Variants in TBC1D13 observed in about 807,000 individuals in gnomAD.
TBC1D13 encodes the protein TBC1 domain family member 13, also known as epididymis secretory sperm binding protein.
A neutral mutation model predicts 53.6 loss-of-function variants in TBC1D13; 40 were observed. That is an observed-to-expected ratio of 0.75 (90% CI 0.58 to 0.97). TBC1D13 has a LOEUF of 0.97. Among genes scored for constraint, TBC1D13 ranks in the 50% least tolerant of loss-of-function variants. The pLI is 0.00. For missense variants in TBC1D13, 377 were observed against 499.4 expected (o/e 0.75, Z 2.34); for synonymous variants, 182 against 197.7 (o/e 0.92, Z 0.67).
intron 9 of TBC1D13, among the ~76,000 whole-genome samples, chr9:128,804,756 C>G (rs1194078227): frequency 2.0e-5 from 2 of 102,340 alleles, no homozygotes; most frequent in East Asian, 3.3e-4. Flanking sequence ...GAGAAGGACT[C>G]TCTCTCTCAG....
rs1170366996 is a variant in TBC1D13 at position 128,804,720 on chromosome 9, G to GT, written c.918+626dup. On this transcript the variant is annotated intron_variant, in intron 9 of 11. Transcript: ENST00000372648. ...CACCGTGCCCAGCCCTTTTTTTTCT[G>GT]TTTTTTTTTTTTTTTTTTTTTTTTT... Among the ~76,000 whole-genome samples the GT allele has an allele frequency of 9.4e-3, 530 of 56,278 alleles. 5 individuals carry two copies. The highest frequency in any genetic ancestry group is 0.014 in the Middle Eastern group (1 of 70). The allele number at this position is 56,278 out of a possible 152,430, so 36.9% of individuals were successfully genotyped here.
At chr9:128,804,529 C>T (rs1189668728) in intron 9 of TBC1D13, among the ~76,000 whole-genome samples, 1 of 151,224 alleles carries the variant, frequency 6.6e-6, no homozygotes, top group Non-Finnish European at 1.5e-5. Context: ...GCCTCAGCCT[C>T]CCAAGCAGCT....
rs1829901718 is a variant in TBC1D13, at chr9:128,809,149, C to T, written c.*1270C>T. On this transcript the variant is annotated 3_prime_UTR_variant, in exon 12 of 12. Transcript: ENST00000372648. ...TAAAGGCCCTGGGTCCTGCCAGTTC[C>T]AGGAGGGCCATGTCTGTGCCTCTGT... is the stretch of plus-strand genomic sequence containing the variant. The T allele has an allele frequency of 6.6e-6, 1 of 152,334 alleles. No individual in the cohort carries two copies. Among genetic ancestry groups the T allele is most frequent in the Non-Finnish European group, 1.5e-5 (1 of 68,172 alleles). The allele number at this position is 152,334 out of a possible 1,614,324, so 9.4% of individuals were successfully genotyped here.
chr9:128,802,731 T>C (rs939656662), intron 7 of TBC1D13, among the ~76,000 whole-genome samples: 1 of 136,988 alleles, frequency 7.3e-6, no homozygotes, highest in Non-Finnish European at 1.5e-5. Flanking sequence ...CTCCTTCACA[T>C]TGTCCATTTT....
intron 2 of TBC1D13, among the ~76,000 whole-genome samples, chr9:128,789,520 G>A (rs1451346243): frequency 2.0e-5 from 3 of 151,868 alleles, no homozygotes; most frequent in Non-Finnish European, 4.4e-5. Context: ...GGCAGTCAGT[G>A]TTAGTAGTTA....
rs1253725243 is a variant in TBC1D13, at chr9:128,787,337, G to T, written c.-17G>T. On this transcript the variant is annotated 5_prime_UTR_variant, in exon 1 of 12. Coordinates refer to ENST00000372648, the MANE Select transcript of TBC1D13 (RefSeq NM_018201.5). ...CGCAGGCGGCGGAGGCGGCTGGGGGGTCCGGAAGTCAACACCATGTCAAGT... is the reference window on the plus strand; with the variant it reads ...CGCAGGCGGCGGAGGCGGCTGGGGGTTCCGGAAGTCAACACCATGTCAAGT... The T allele has an allele frequency of 1.3e-5, 17 of 1,259,734 alleles. No individual in the cohort carries two copies. Among genetic ancestry groups the T allele is most frequent in the Non-Finnish European group, 1.6e-5 (16 of 996,220 alleles). The allele number at this position is 1,259,734 out of a possible 1,614,324, so 78.0% of individuals were successfully genotyped here. A position where few individuals can be genotyped will look rare whatever the true frequency, so the allele number is the denominator to read the frequency against.
intron 6 of TBC1D13, among the ~76,000 whole-genome samples, chr9:128,793,365 C>T (rs964068644): frequency 6.6e-6 from 1 of 152,190 alleles, no homozygotes; most frequent in African/African-American, 2.4e-5. Flanking sequence ...GCTGGCTGTG[C>T]GGCCCTGTCG....
chr9:128,803,821 G>A, intron 8 of TBC1D13, 135 bp from the exon 9 acceptor site: 1 of 1,163,848 alleles, frequency 8.6e-7, no homozygotes, highest in Non-Finnish European at 1.2e-6. Context: ...AGGGGTCAAG[G>A]ACAGAGGAAG....
chr9:128,806,425 A>T, intron 11 of TBC1D13, 114 bp downstream of exon 11: 1 of 1,235,142 alleles, frequency 8.1e-7, no homozygotes, highest in East Asian at 2.4e-5. Flanking sequence ...TGTAGTAGGG[A>T]TTAAAGTCCA....
rs979232591 is a variant in TBC1D13, at chr9:128,801,064, T to C, written c.544-2186T>C. Among the ~76,000 whole-genome samples the C allele has an allele frequency of 2.0e-5, 3 of 152,174 alleles. 1 individual carries two copies. In the Middle Eastern group the frequency reaches 0.01, roughly 518 times the overall value. ...GGTGAGCACCTATAATCTCAGCTAC[T>C]TGGGAGGCTGAGGTGGGAGAATAGT... is the stretch of plus-strand genomic sequence containing the variant. On this transcript the variant is annotated intron_variant, in intron 7 of 11. Coordinates refer to ENST00000372648, the MANE Select transcript of TBC1D13 (RefSeq NM_018201.5).
At chr9:128,788,535 A>G (rs1204785753) in intron 2 of TBC1D13, 128 bp downstream of exon 2, 2 of 766,676 alleles carry the variant, frequency 2.6e-6, no homozygotes, top group African/African-American at 1.7e-5. Flanking sequence ...AGGAAATTAC[A>G]CACAGACTCT....
intron 5 of TBC1D13, 69 bp from the exon 6 acceptor site, chr9:128,792,423 T>C (rs1337470243): frequency 4.2e-6 from 6 of 1,431,796 alleles, no homozygotes; most frequent in Non-Finnish European, 5.9e-6. Flanking sequence ...CTGCTCAGGT[T>C]TCCGGGATAG....
At chr9:128,792,372 A>T in intron 5 of TBC1D13, 120 bp from the exon 6 acceptor site, 1 of 790,050 alleles carries the variant, frequency 1.3e-6, no homozygotes, top group Non-Finnish European at 2.1e-6. Flanking sequence ...TGGTGTCAGG[A>T]CCACACCTCA....
rs745931391 is a variant in TBC1D13 at position 128,805,839 on chromosome 9, C to A, written c.919-20C>A. ...GCCAACACAGAGTCATGCCCCCCAC[C>A]CCCCACGCTGTCTCCCCAGCAAGAG... is the stretch of plus-strand genomic sequence containing the variant. On this transcript the variant is annotated intron_variant, in intron 9 of 11. Coordinates refer to ENST00000372648, the MANE Select transcript of TBC1D13 (RefSeq NM_018201.5). The A allele has an allele frequency of 3.8e-5, 61 of 1,610,020 alleles. No homozygotes were observed. Among genetic ancestry groups the A allele is most frequent in the Admixed American group, 3.2e-4 (19 of 59,852 alleles).
intron 9 of TBC1D13, 68 bp downstream of exon 9, chr9:128,804,187 C>T (rs1317821115): frequency 1.0e-5 from 16 of 1,566,364 alleles, no homozygotes; most frequent in African/African-American, 1.4e-5. Flanking sequence ...CATCCCAGCC[C>T]AGGGCGAGGT....
rs774215905 is a variant in TBC1D13 at position 128,790,732 on chromosome 9, C to T, written c.98-3C>T. 4 of 1,550,654 alleles carry T rather than the reference C, an allele frequency of 2.6e-6. No homozygotes were observed. The highest frequency in any genetic ancestry group is 4.5e-5 in the Admixed American group (2 of 44,410). On this transcript the variant is annotated splice_polypyrimidine_tract_variant and splice_region_variant and intron_variant, in intron 2 of 11. Transcript: ENST00000372648. ...GCATGACCTTTGCCTGCTGTGTCCACAGGCATCCCCTGTGAGGGCGGACTG... is the reference window on the plus strand; with the variant it reads ...GCATGACCTTTGCCTGCTGTGTCCATAGGCATCCCCTGTGAGGGCGGACTG...
At chr9:128,796,957 A>C (rs1829641377) in intron 6 of TBC1D13, 98 bp from the exon 7 acceptor site, 2 of 1,390,940 alleles carry the variant, frequency 1.4e-6, no homozygotes, top group African/African-American at 2.9e-5. Flanking sequence ...CAAAAACAAA[A>C]AACAATGCTT....
At chr9:128,794,099 G>C (rs1483013842) in intron 6 of TBC1D13, among the ~76,000 whole-genome samples, 1 of 152,212 alleles carries the variant, frequency 6.6e-6, no homozygotes, top group African/African-American at 2.4e-5. Flanking sequence ...CAGGGAGGAG[G>C]CTCAGGATGA....
At chr9:128,806,389 C>A in intron 11 of TBC1D13, 78 bp downstream of exon 11, 1 of 1,547,868 alleles carries the variant, frequency 6.5e-7, no homozygotes, top group Non-Finnish European at 8.9e-7. Flanking sequence ...CCAGCTGCTG[C>A]GACAGGCTGG....
Sources: gnomAD v4.1 joint callset for allele counts (sites outside exome capture counted in the v4.1 genomes callset) on GRCh38, gnomAD v4.1.1 for gene constraint, MANE v1.5 for transcripts, NCBI Gene and HGNC (gene_info 2026-07-23, HGNC 2026-07-21) for gene names.